Variants in SANBR observed in about 807,000 individuals in gnomAD.
SANBR encodes SANT and BTB domain regulator of class switch recombination.
SANBR carries 77 observed loss-of-function variants against 101.8 expected under a neutral mutation model. The ratio of observed to expected loss-of-function variants is 0.76; its 90% CI spans 0.63 to 0.91. The LOEUF is 0.91. Ranked by LOEUF, SANBR falls within the 40% of genes least tolerant of loss-of-function variation. The pLI, the probability that SANBR is intolerant of heterozygous loss-of-function variation, is 0.00. For missense variants in SANBR, 875 were observed against 853.0 expected, an observed-to-expected ratio of 1.03 and a Z score of -0.32; for synonymous variants, 279 against 274.7, an observed-to-expected ratio of 1.02 and a Z score of -0.15.
At chr2:61,136,387 C>T (rs1380007394) in intron 21 of SANBR, among the ~76,000 whole-genome samples, 1 of 151,772 alleles carries the variant, frequency 6.6e-6, no homozygotes, top group Non-Finnish European at 1.5e-5. Flanking sequence ...GTAATCCTAG[C>T]AGTTTGGGAG....
rs554617672 is a variant in SANBR, at chr2:61,124,203, G to A, written c.*2041G>A. The stretch of plus-strand genomic sequence containing the variant: ...TTAAACTCTTAATAGCATTTCTTTC[G>A]CCAGATACTTTAATATTTCACCTTA... On this transcript the variant is annotated 3_prime_UTR_variant, in exon 22 of 22. Transcript: ENST00000402291. The A allele has an allele frequency of 1.5e-5, 15 of 977,964 alleles. No individual in the cohort carries two copies. The East Asian group carries it at 3.4e-4, about 22-fold the overall frequency. The allele number at this position is 977,964 out of a possible 1,614,324, so 60.6% of individuals were successfully genotyped here.
intron 14 of SANBR, 54 bp downstream of exon 14, chr2:61,106,716 T>A: frequency 1.8e-6 from 2 of 1,095,706 alleles, no homozygotes; most frequent in Non-Finnish European, 2.7e-6. Flanking sequence ...TAATGACATT[T>A]AATCTTTGAC....
chr2:61,094,008 C>T, intron 11 of SANBR: 1 of 766,132 alleles, frequency 1.3e-6, no homozygotes, highest in Non-Finnish European at 1.6e-6. Context: ...CAGTAATTTT[C>T]CTCTGTCACT....
At chr2:61,104,342 C>T (rs552195818) in intron 13 of SANBR, among the ~76,000 whole-genome samples, 19 of 151,796 alleles carry the variant, frequency 1.3e-4, no homozygotes, top group African/African-American at 2.4e-5. Flanking sequence ...ATTAGCCGGG[C>T]GTGGTGGTGG....
chr2:61,095,252 CCTT>C (rs1384081412), intron 11 of SANBR, among the ~76,000 whole-genome samples: 2 of 152,116 alleles, frequency 1.3e-5, no homozygotes, highest in East Asian at 3.8e-4. Flanking sequence ...ATTTTCCTCT[CCTT>C]TACAGCAAAT....
chr2:61,132,536 G>T (rs974295536), intron 20 of SANBR, among the ~76,000 whole-genome samples: 1 of 152,216 alleles, frequency 6.6e-6, no homozygotes, highest in Non-Finnish European at 1.5e-5. Flanking sequence ...TGCCAAGGAT[G>T]TGGAGAAATT....
chr2:61,087,380 G>A (rs1388870313), intron 8 of SANBR, among the ~76,000 whole-genome samples: 1 of 150,682 alleles, frequency 6.6e-6, no homozygotes, highest in East Asian at 2.0e-4. Context: ...AACATAGCCA[G>A]CCCCAATCTC....
chr2:61,129,212 G>A (rs772506906), downstream of SANBR, among the ~76,000 whole-genome samples: 1 of 152,140 alleles, frequency 6.6e-6, no homozygotes, highest in Non-Finnish European at 1.5e-5. Flanking sequence ...GGGAAGCCAA[G>A]GCAGGTGGGT....
chr2:61,118,556 T>C (rs1401248127), intron 20 of SANBR, among the ~76,000 whole-genome samples: 2 of 147,142 alleles, frequency 1.4e-5, no homozygotes, highest in Non-Finnish European at 3.0e-5. Flanking sequence ...TATGTGGGGG[T>C]TTTTTGTTGG....
intron 11 of SANBR, among the ~76,000 whole-genome samples, chr2:61,094,601 T>C (rs898086524): frequency 6.6e-6 from 1 of 151,730 alleles, no homozygotes; most frequent in African/African-American, 2.4e-5. Flanking sequence ...CCTGTGAACA[T>C]AGGTTTTTAT....
rs1406829688 is a variant in SANBR, at chr2:61,113,363, A to G, written c.1745-2616A>G. Among the ~76,000 whole-genome samples the G allele has an allele frequency of 2.0e-5, 3 of 152,164 alleles. No homozygotes were observed. In the East Asian group the frequency reaches 5.8e-4, roughly 29 times the overall value. ...AGTCTGTGTGGATATTTCTACAAAT[A>G]TCTTTTTGGGATTTTTGTTGGGATT... On this transcript the variant is annotated intron_variant, in intron 16 of 21. Coordinates refer to ENST00000402291, the MANE Select transcript of SANBR (RefSeq NM_001129993.3).
rs535820440 is a variant in SANBR at position 61,092,919 on chromosome 2, G to C, written c.1212+332G>C. ...GAGGCCGAGGTGGGCGGATCACGAG[G>C]TCAGGAAATCAAGACCATCCTATCT... On this transcript the variant is annotated intron_variant, in intron 11 of 21. Transcript: ENST00000402291. Among the ~76,000 whole-genome samples, 202 of 151,990 alleles carry C rather than the reference G, an allele frequency of 1.3e-3. 1 individual carries two copies. The highest frequency in any genetic ancestry group is 3.4e-3 in the Middle Eastern group (1 of 292).
chr2:61,075,634 T>G (rs866085830), intron 5 of SANBR, among the ~76,000 whole-genome samples: 1 of 152,170 alleles, frequency 6.6e-6, no homozygotes, highest in Non-Finnish European at 1.5e-5. Flanking sequence ...TCATTTAAAC[T>G]TGTGCTTAAA....
intron 9 of SANBR, 28 bp downstream of exon 9, chr2:61,088,273 G>T (rs1436746009): frequency 6.3e-7 from 1 of 1,578,858 alleles, no homozygotes; most frequent in East Asian, 2.3e-5. Flanking sequence ...TTTCTTTGGT[G>T]TACTTTATAA....
At chr2:61,115,235 A>G (rs902361614) in intron 16 of SANBR, among the ~76,000 whole-genome samples, 2 of 152,038 alleles carry the variant, frequency 1.3e-5, no homozygotes, top group African/African-American at 2.4e-5. Flanking sequence ...ATGCTATTCA[A>G]GTTTTCTATT....
chr2:61,089,267 T>A (rs1682615119), intron 10 of SANBR: 1 of 846,774 alleles, frequency 1.2e-6, no homozygotes, highest in African/African-American at 1.8e-5. Context: ...TCCCAGCACT[T>A]TGGGAGGCCA....
chr2:61,076,782 T>A (rs767839085), intron 5 of SANBR, 138 bp from the exon 6 acceptor site: 38 of 638,208 alleles, frequency 6.0e-5, no homozygotes, highest in Non-Finnish European at 9.6e-5. Context: ...ACTTGAAAAA[T>A]GTCAAGACCC....
At chr2:61,073,420 C>G in intron 4 of SANBR, 38 bp from the exon 5 acceptor site, 2 of 1,044,490 alleles carry the variant, frequency 1.9e-6, no homozygotes, top group Non-Finnish European at 1.4e-6. Context: ...CTAACCCCCA[C>G]CTTTTTTTTT....
At chr2:61,093,973 T>C (rs2104907090) in intron 11 of SANBR, 1 of 321,882 alleles carries the variant, frequency 3.1e-6, no homozygotes, top group South Asian at 1.2e-4. Flanking sequence ...TAATTTCTTT[T>C]GAATCCCTAA....
Sources: gnomAD v4.1 joint callset for allele counts (sites outside exome capture counted in the v4.1 genomes callset) on GRCh38, gnomAD v4.1.1 for gene constraint, MANE v1.5 for transcripts, NCBI Gene and HGNC (gene_info 2026-07-23, HGNC 2026-07-21) for gene names.